Variants in CDK12 observed in about 807,000 individuals in gnomAD.
The protein encoded by CDK12 is cyclin dependent kinase 12, also known as cyclin-dependent kinase 12.
CDK12 carries 17 observed loss-of-function variants against 133.8 expected under a neutral mutation model. The ratio of observed to expected loss-of-function variants is 0.13; its 90% confidence interval spans 0.09 to 0.19. CDK12 has a LOEUF of 0.19. CDK12 is among the 10% of genes least tolerant of loss of function. The pLI is 1.00. For missense variants in CDK12, 1,508 were observed against 1,818.7 expected (o/e 0.83, Z 3.11); for synonymous variants, 694 against 683.6 (o/e 1.02, Z -0.24).
intron 13 of CDK12, among the ~76,000 whole-genome samples, chr17:39,527,428 C>G (rs890701437): frequency 8.5e-5 from 13 of 152,222 alleles, no homozygotes; most frequent in African/African-American, 2.4e-4. Flanking sequence ...CACCAGAGGG[C>G]AGACTGTATA....
intron 3 of CDK12, among the ~76,000 whole-genome samples, chr17:39,491,376 A>G (rs2051587521): frequency 6.6e-6 from 1 of 152,034 alleles, no homozygotes; most frequent in African/African-American, 2.4e-5. Flanking sequence ...AGCTGGGATT[A>G]CAGGCACGTG....
Position 39,462,000 on chromosome 17 carries a change from G to T in CDK12, c.-72G>T, listed in dbSNP as rs1165576036. On this transcript the variant is annotated 5_prime_UTR_variant, in exon 1 of 14. Coordinates refer to ENST00000447079, the MANE Select transcript of CDK12 (RefSeq NM_016507.4). ...TTTGGTGGGCGTGGAGTTGGGGTTG[G>T]GGGGGTGGGTGGGGGTTGCTTTTTG... The T allele has an allele frequency of 2.4e-6, 3 of 1,256,842 alleles. No homozygotes were observed. The highest frequency in any genetic ancestry group is 2.5e-5 in the East Asian group (1 of 39,730). 77.9% of individuals were successfully genotyped at this position (1,256,842 alleles called of 1,614,324 possible). A position where few individuals can be genotyped will look rare whatever the true frequency, so the allele number is the denominator to read the frequency against.
downstream of CDK12, among the ~76,000 whole-genome samples, chr17:39,537,175 C>T (rs930805502): frequency 3.3e-5 from 5 of 152,090 alleles, no homozygotes; most frequent in Non-Finnish European, 5.9e-5. Flanking sequence ...GATGGACTCT[C>T]TAGGAGGGGA....
At chr17:39,479,041 G>A (rs995056297) in intron 2 of CDK12, among the ~76,000 whole-genome samples, 2 of 151,974 alleles carry the variant, frequency 1.3e-5, no homozygotes, top group South Asian at 2.1e-4. Context: ...GGGTGCGGTG[G>A]CTCACACCTG....
chr17:39,541,139 T>C (rs1374630018), intron 1 of CDK12, among the ~76,000 whole-genome samples: 1 of 148,972 alleles, frequency 6.7e-6, no homozygotes, highest in Admixed American at 6.7e-5. Context: ...ATGTCCCTGC[T>C]TTCTTCTTCC....
chr17:39,501,925 A>C (rs1476119855), intron 6 of CDK12, among the ~76,000 whole-genome samples: 1 of 150,092 alleles, frequency 6.7e-6, no homozygotes, highest in Non-Finnish European at 1.5e-5. Flanking sequence ...TCTCACTGCA[A>C]CCTCCACCTC....
At chr17:39,496,993 C>T (rs1000960574) in intron 5 of CDK12, among the ~76,000 whole-genome samples, 2 of 135,976 alleles carry the variant, frequency 1.5e-5, no homozygotes, top group African/African-American at 2.8e-5. Context: ...TGCAGTGATG[C>T]AATCTTGGCT....
chr17:39,508,039 G>A (rs925160141), intron 6 of CDK12, among the ~76,000 whole-genome samples: 1 of 152,054 alleles, frequency 6.6e-6, no homozygotes, highest in Non-Finnish European at 1.5e-5. Flanking sequence ...TATCCCCTGT[G>A]CTTGAGACGA....
downstream of CDK12, among the ~76,000 whole-genome samples, chr17:39,538,916 C>A (rs201014723): frequency 2.7e-3 from 407 of 149,608 alleles, 1 homozygote; most frequent in African/African-American, 9.7e-3. Context: ...TACATACATA[C>A]ATACATACAT....
At chr17:39,537,794 C>T (rs1008758451), downstream of CDK12, among the ~76,000 whole-genome samples, 1 of 151,998 alleles carries the variant, frequency 6.6e-6, no homozygotes, top group African/African-American at 2.4e-5. Flanking sequence ...GAACTCCTGA[C>T]CTTGTGATCC....
At chr17:39,501,837 T>G (rs1217405085) in intron 6 of CDK12, among the ~76,000 whole-genome samples, 1 of 151,872 alleles carries the variant, frequency 6.6e-6, no homozygotes, top group Non-Finnish European at 1.5e-5. Context: ...GCACACTAGG[T>G]TTTTTGTTTT....
rs1291821334 is a variant in CDK12 at position 39,533,458 on chromosome 17, G to GT, written c.*2143dup. On this transcript the variant is annotated 3_prime_UTR_variant, in exon 14 of 14. Coordinates refer to ENST00000447079, the MANE Select transcript of CDK12 (RefSeq NM_016507.4). ...CACTCCCTGTTTTTTATTAAAGAAC[G>GT]TGAGCCTGGGATACTTTCAGAAGTA... is the stretch of plus-strand genomic sequence containing the variant. The GT allele has an allele frequency of 8.2e-5, 19 of 232,948 alleles. No individual in the cohort carries two copies. Among genetic ancestry groups the GT allele is most frequent in the Non-Finnish European group, 1.3e-4 (15 of 117,886 alleles). The allele number at this position is 232,948 out of a possible 1,614,324, so 14.4% of individuals were successfully genotyped here. A position where few individuals can be genotyped will look rare whatever the true frequency, so the allele number is the denominator to read the frequency against.
At chr17:39,515,662 A>G (rs1351203760) in intron 8 of CDK12, 69 bp from the exon 9 acceptor site, 1 of 1,015,504 alleles carries the variant, frequency 9.8e-7, no homozygotes, top group African/African-American at 1.6e-5. Context: ...ATAATGTAAA[A>G]ATTTTTTGAG....
intron 6 of CDK12, among the ~76,000 whole-genome samples, chr17:39,503,191 G>A (rs1024201517): frequency 1.3e-5 from 2 of 152,154 alleles, no homozygotes; most frequent in African/African-American, 2.4e-5. Flanking sequence ...TCCTGCCTCA[G>A]CCTCCCAAGT....
chr17:39,559,500 AT>A (rs2056288674), intron 3 of CDK12, among the ~76,000 whole-genome samples: 1 of 152,088 alleles, frequency 6.6e-6, no homozygotes, highest in African/African-American at 2.4e-5. Context: ...CACCCACCTC[AT>A]CCCCTCCTTA....
At chr17:39,465,601 C>T (rs956057841) in intron 1 of CDK12, among the ~76,000 whole-genome samples, 5 of 152,020 alleles carry the variant, frequency 3.3e-5, no homozygotes, top group African/African-American at 1.2e-4. Context: ...ATTCTCCTGC[C>T]TCAGCCTCCT....
At chr17:39,466,412 C>G (rs1474275636) in intron 1 of CDK12, among the ~76,000 whole-genome samples, 1 of 149,400 alleles carries the variant, frequency 6.7e-6, no homozygotes, top group Non-Finnish European at 1.5e-5. Context: ...GTCGGGAGTT[C>G]GAGACCAGCC....
chr17:39,489,111 C>T (rs562505894), intron 2 of CDK12, among the ~76,000 whole-genome samples: 4 of 146,542 alleles, frequency 2.7e-5, no homozygotes, highest in African/African-American at 7.6e-5. Flanking sequence ...GATGGAGTCT[C>T]ACTCTGTCTC....
At chr17:39,541,819 G>A (rs1160686943) in intron 1 of CDK12, among the ~76,000 whole-genome samples, 1 of 152,188 alleles carries the variant, frequency 6.6e-6, no homozygotes, top group Non-Finnish European at 1.5e-5. Context: ...GGAATGACAC[G>A]TCTTCTCCCT....
Sources: gnomAD v4.1 joint callset for allele counts (sites outside exome capture counted in the v4.1 genomes callset) on GRCh38, gnomAD v4.1.1 for gene constraint, MANE v1.5 for transcripts, NCBI Gene and HGNC (gene_info 2026-07-23, HGNC 2026-07-21) for gene names.